The following ZNF366 variants were observed in gnomAD, a reference collection of about 807,000 sequenced individuals.
The protein encoded by ZNF366 is zinc finger protein 366.
In ZNF366, 20 loss-of-function variants were observed where a neutral mutation model predicts 47.2. That is an observed-to-expected ratio of 0.42 (90% confidence interval 0.30 to 0.62). The LOEUF is 0.62. ZNF366 is among the 20% of genes least tolerant of loss of function. The pLI is 0.16. For missense variants in ZNF366, 987 were observed against 976.3 expected (o/e 1.01, Z -0.15); for synonymous variants, 421 against 395.1 (o/e 1.07, Z -0.78).
chr5:72,486,946 T>C (rs1487521231), intron 1 of ZNF366, among the ~76,000 whole-genome samples: 1 of 152,128 alleles, frequency 6.6e-6, no homozygotes, highest in Non-Finnish European at 1.5e-5. Context: ...CCTGGCTGCT[T>C]TTTGTATTTT....
chr5:72,489,201 C>A (rs75621938), intron 1 of ZNF366, among the ~76,000 whole-genome samples: 1 of 151,812 alleles, frequency 6.6e-6, no homozygotes, highest in African/African-American at 2.4e-5. Flanking sequence ...CACAACAAGA[C>A]CCCATCTCAA....
intron 1 of ZNF366, among the ~76,000 whole-genome samples, chr5:72,478,876 A>G (rs911385149): frequency 4.6e-5 from 7 of 152,320 alleles, no homozygotes; most frequent in Non-Finnish European, 7.4e-5. Flanking sequence ...CCCTGAAATC[A>G]GTCCAAAGCC....
chr5:72,445,545 A>G (rs1742941954), intron 4 of ZNF366, among the ~76,000 whole-genome samples: 1 of 152,222 alleles, frequency 6.6e-6, no homozygotes, highest in African/African-American at 2.4e-5. Flanking sequence ...TTTGTAGATG[A>G]AAACACTGAG....
intron 1 of ZNF366, among the ~76,000 whole-genome samples, chr5:72,476,780 G>A (rs1243037905): frequency 1.3e-5 from 2 of 152,130 alleles, no homozygotes; most frequent in African/African-American, 4.8e-5. Flanking sequence ...CCCACATCAA[G>A]ACCCTGCCCA....
At chr5:72,487,827 T>C (rs1359262489) in intron 1 of ZNF366, among the ~76,000 whole-genome samples, 1 of 152,236 alleles carries the variant, frequency 6.6e-6, no homozygotes, top group African/African-American at 2.4e-5. Context: ...GGTTAAAGTC[T>C]GAAATTCTAC....
chr5:72,490,526 G>C (rs1275509804), intron 1 of ZNF366, among the ~76,000 whole-genome samples: 1 of 152,152 alleles, frequency 6.6e-6, no homozygotes, highest in Non-Finnish European at 1.5e-5. Context: ...GTACCAAGGA[G>C]AGCATTCATT....
intron 2 of ZNF366, 127 bp downstream of exon 2, chr5:72,460,038 T>C (rs1743267471): frequency 8.5e-6 from 11 of 1,297,586 alleles, no homozygotes; most frequent in Non-Finnish European, 1.1e-5. Flanking sequence ...GGACCGCTTG[T>C]CCGGGGTTGC....
chr5:72,453,935 C>G (rs1024230463), intron 3 of ZNF366, among the ~76,000 whole-genome samples: 1 of 152,190 alleles, frequency 6.6e-6, no homozygotes, highest in Non-Finnish European at 1.5e-5. Context: ...ATGACACTCT[C>G]TAGGGAGCCT....
At chr5:72,464,803 G>A (rs1743398042) in intron 1 of ZNF366, among the ~76,000 whole-genome samples, 1 of 152,188 alleles carries the variant, frequency 6.6e-6, no homozygotes, top group Non-Finnish European at 1.5e-5. Flanking sequence ...GCTCATGCCT[G>A]TAATCCCAGC....
chr5:72,479,224 C>T (rs1743734095), intron 1 of ZNF366, among the ~76,000 whole-genome samples: 1 of 152,024 alleles, frequency 6.6e-6, no homozygotes, highest in South Asian at 2.1e-4. Context: ...AAACCTCTGG[C>T]TAAAAGTCAG....
At chr5:72,499,339 G>T (rs1159366351) in intron 1 of ZNF366, among the ~76,000 whole-genome samples, 1 of 152,170 alleles carries the variant, frequency 6.6e-6, no homozygotes. Context: ...AGACGATGCT[G>T]GGAATAGTCC....
intron 2 of ZNF366, among the ~76,000 whole-genome samples, chr5:72,458,626 C>G (rs1743239866): frequency 6.6e-6 from 1 of 152,144 alleles, no homozygotes. Flanking sequence ...GTAGAGTGGC[C>G]AAGGCACAGG....
chr5:72,445,576 A>T (rs1452744529), intron 4 of ZNF366, among the ~76,000 whole-genome samples: 2 of 152,114 alleles, frequency 1.3e-5, no homozygotes, highest in Non-Finnish European at 2.9e-5. Flanking sequence ...GTCTGTTAAA[A>T]TTTTTCAAAG....
At chr5:72,467,950 G>A (rs1057431329) in intron 1 of ZNF366, among the ~76,000 whole-genome samples, 4 of 152,160 alleles carry the variant, frequency 2.6e-5, no homozygotes, top group African/African-American at 9.7e-5. Context: ...ACTACAGGAA[G>A]GCAGAGGAGG....
chr5:72,495,309 T>A (rs1268960625), intron 1 of ZNF366, among the ~76,000 whole-genome samples: 3 of 152,186 alleles, frequency 2.0e-5, no homozygotes, highest in Non-Finnish European at 4.4e-5. Flanking sequence ...TTACATGAAT[T>A]ATCACTCTTA....
intron 1 of ZNF366, among the ~76,000 whole-genome samples, chr5:72,504,706 T>A (rs1744287269): frequency 6.6e-6 from 1 of 152,248 alleles, no homozygotes. Context: ...AGACTCATTC[T>A]GTTCTCTGTA....
intron 1 of ZNF366, among the ~76,000 whole-genome samples, chr5:72,503,573 A>T (rs943665568): frequency 6.6e-6 from 1 of 151,920 alleles, no homozygotes; most frequent in Non-Finnish European, 1.5e-5. Context: ...CTCGAAAATT[A>T]CTTATTTATC....
chr5:72,464,451 A>C (rs771336032), intron 1 of ZNF366, among the ~76,000 whole-genome samples: 16 of 152,318 alleles, frequency 1.1e-4, no homozygotes, highest in Middle Eastern at 3.4e-3. Context: ...TAGGAGTTGT[A>C]ATATACTCCT....
intron 3 of ZNF366, among the ~76,000 whole-genome samples, chr5:72,455,924 G>A (rs1743172082): frequency 6.6e-6 from 1 of 151,168 alleles, no homozygotes; most frequent in Admixed American, 6.6e-5. Flanking sequence ...ATATGGCTCA[G>A]CCCAAGTGTC....
Sources: gnomAD v4.1 joint callset for allele counts (sites outside exome capture counted in the v4.1 genomes callset) on GRCh38, gnomAD v4.1.1 for gene constraint, MANE v1.5 for transcripts, NCBI Gene and HGNC (gene_info 2026-07-23, HGNC 2026-07-21) for gene names.